Variants in SCAMP1 observed in about 807,000 individuals in gnomAD.
The protein encoded by SCAMP1 is secretory carrier-associated membrane protein 1.
In SCAMP1, 15 loss-of-function variants were observed where a neutral mutation model predicts 41.8. The ratio of observed to expected loss-of-function variants is 0.36; its 90% CI spans 0.24 to 0.55. The LOEUF is 0.55. Among genes scored for constraint, SCAMP1 ranks in the 20% least tolerant of loss-of-function variants. The probability of loss-of-function intolerance (pLI) is 0.86; values close to 1 mark genes in which losing one functional copy is unlikely to be tolerated. For missense variants in SCAMP1, 341 were observed against 412.6 expected (o/e 0.83, Z 1.50); for synonymous variants, 135 against 136.8 (o/e 0.99, Z 0.09).
intron 2 of SCAMP1, among the ~76,000 whole-genome samples, chr5:78,402,196 GT>G (rs1293261771): frequency 0.049 from 6,390 of 129,124 alleles, 397 homozygotes; most frequent in African/African-American, 0.15. Context: ...TACTATATTT[GT>G]TTTTTTTTTT....
chr5:78,393,336 GT>G (rs1751566046), intron 2 of SCAMP1, among the ~76,000 whole-genome samples: 2 of 152,084 alleles, frequency 1.3e-5, no homozygotes, highest in Admixed American at 6.5e-5. Flanking sequence ...TCTACCACAT[GT>G]GGCTAATTAT....
chr5:78,445,516 C>A (rs1753032068), intron 6 of SCAMP1, among the ~76,000 whole-genome samples: 1 of 152,118 alleles, frequency 6.6e-6, no homozygotes, highest in South Asian at 2.1e-4. Flanking sequence ...ATCTATATTT[C>A]TGTTCTTTGG....
chr5:78,474,614 T>C (rs1310329104), intron 8 of SCAMP1, among the ~76,000 whole-genome samples: 2 of 152,298 alleles, frequency 1.3e-5, no homozygotes, highest in East Asian at 1.9e-4. Context: ...CTTGGATGCA[T>C]TGGCCCTTCC....
At chr5:78,361,010 C>T in intron 1 of SCAMP1, 1 of 414,776 alleles carries the variant, frequency 2.4e-6, no homozygotes, top group Non-Finnish European at 4.4e-6. Flanking sequence ...GGCCCGCGCG[C>T]CCGGAGGGGT....
intron 6 of SCAMP1, among the ~76,000 whole-genome samples, chr5:78,436,877 G>C (rs1055629401): frequency 2.0e-5 from 3 of 152,122 alleles, no homozygotes; most frequent in African/African-American, 7.2e-5. Flanking sequence ...TCTTCCATTT[G>C]TTTGTGCCCT....
intron 8 of SCAMP1, 87 bp downstream of exon 8, chr5:78,459,449 G>GA: frequency 1.5e-6 from 1 of 686,700 alleles, no homozygotes; most frequent in African/African-American, 1.8e-5. Context: ...GGTGTAACCT[G>GA]AAGCCATTTT....
rs78157359 is a variant in SCAMP1, at chr5:78,415,390, G to A, written c.136-130G>A. 6.4e-4 allele frequency: 396 copies of A among 617,746 alleles called. 1 individual carries two copies. Among genetic ancestry groups the A allele is most frequent in the African/African-American group, 6.4e-3 (346 of 54,182 alleles). The allele number at this position is 617,746 out of a possible 1,614,324, so 38.3% of individuals were successfully genotyped here. A position where few individuals can be genotyped will look rare whatever the true frequency, so the allele number is the denominator to read the frequency against. Reference sequence around the variant, plus strand: ...TTAAGCAGCTCTTTGCCACACACTTGACTATGAGAGAGCAGGGAATGAAGA... The same window carrying A: ...TTAAGCAGCTCTTTGCCACACACTTAACTATGAGAGAGCAGGGAATGAAGA... On this transcript the variant is annotated intron_variant, in intron 2 of 8. Transcript: ENST00000621999.
intron 7 of SCAMP1, among the ~76,000 whole-genome samples, chr5:78,457,487 T>G (rs563944809): frequency 3.3e-4 from 50 of 152,204 alleles, no homozygotes; most frequent in African/African-American, 1.2e-3. Context: ...GCCTCCCAGT[T>G]AGGCTGCTCG....
chr5:78,459,103 T>C, intron 7 of SCAMP1, 142 bp from the exon 8 acceptor site: 2 of 613,754 alleles, frequency 3.3e-6, no homozygotes, highest in Admixed American at 3.2e-5. Context: ...ATTGGGTGGG[T>C]TGTGAGAATT....
rs1754106874 is a variant in SCAMP1, at chr5:78,480,108, G to A, written c.*4440G>A. 2.0e-5 allele frequency among the ~76,000 whole-genome samples: 3 copies of A among 152,098 alleles called. No homozygotes were observed. Among genetic ancestry groups the A allele is most frequent in the Admixed American group, 2.0e-4 (3 of 15,262 alleles). ...TGTTTCAAATGGCAAGGGAACATGG[G>A]AACTATCATGTGGCAATGTAGTGAG... On this transcript the variant is annotated 3_prime_UTR_variant, in exon 9 of 9. Coordinates refer to ENST00000621999, the MANE Select transcript of SCAMP1 (RefSeq NM_004866.6).
intron 7 of SCAMP1, among the ~76,000 whole-genome samples, 152 bp from the exon 8 acceptor site, chr5:78,459,093 A>G (rs893794005): frequency 1.3e-5 from 2 of 152,176 alleles, no homozygotes; most frequent in Non-Finnish European, 2.9e-5. Flanking sequence ...CATCTATCCT[A>G]TTGGGTGGGT....
chr5:78,398,799 C>T (rs1204478519), intron 2 of SCAMP1, among the ~76,000 whole-genome samples: 1 of 152,106 alleles, frequency 6.6e-6, no homozygotes, highest in Non-Finnish European at 1.5e-5. Context: ...CCTGCCTCAA[C>T]CTCCCAAAGT....
intron 2 of SCAMP1, among the ~76,000 whole-genome samples, chr5:78,397,799 A>G (rs2362823): frequency 0.18 from 27,802 of 152,100 alleles, 3,222 homozygotes; most frequent in Admixed American, 0.34. Context: ...GTCCACATGG[A>G]CTCAGATGTT....
At chr5:78,466,512 G>A (rs943454613) in intron 8 of SCAMP1, among the ~76,000 whole-genome samples, 2 of 152,176 alleles carry the variant, frequency 1.3e-5, no homozygotes, top group Admixed American at 1.3e-4. Flanking sequence ...ACATCTAGTT[G>A]TAGGAAATAA....
intron 2 of SCAMP1, among the ~76,000 whole-genome samples, chr5:78,414,181 G>A (rs138806541): frequency 6.6e-4 from 100 of 151,892 alleles, no homozygotes; most frequent in African/African-American, 1.6e-3. Context: ...AGACTTCCCA[G>A]ATATTTTATG....
intron 1 of SCAMP1, among the ~76,000 whole-genome samples, chr5:78,372,734 C>A (rs1323821318): frequency 6.6e-6 from 1 of 152,038 alleles, no homozygotes; most frequent in African/African-American, 2.4e-5. Flanking sequence ...GGTAAGGCAA[C>A]TAGTAATTTG....
intron 6 of SCAMP1, among the ~76,000 whole-genome samples, chr5:78,427,068 G>A (rs746758195): frequency 6.6e-6 from 1 of 152,100 alleles, no homozygotes; most frequent in Non-Finnish European, 1.5e-5. Flanking sequence ...AACACCTGAG[G>A]CTGGGTAATT....
At chr5:78,449,808 T>A (rs1471715071) in intron 6 of SCAMP1, 125 bp from the exon 7 acceptor site, 1 of 572,132 alleles carries the variant, frequency 1.7e-6, no homozygotes, top group African/African-American at 2.0e-5. Context: ...TTTTTTTGTT[T>A]GTGCTTTTAA....
chr5:78,454,674 G>A (rs1222982987), intron 7 of SCAMP1, among the ~76,000 whole-genome samples: 1 of 152,124 alleles, frequency 6.6e-6, no homozygotes, highest in Non-Finnish European at 1.5e-5. Context: ...CCAGGCTTTG[G>A]TATCAGAATG....
Sources: allele counts gnomAD v4.1 joint callset (sites outside exome capture counted in the v4.1 genomes callset), GRCh38; gene constraint gnomAD v4.1.1; transcripts MANE v1.5; gene names NCBI Gene and HGNC (gene_info 2026-07-23, HGNC 2026-07-21).